The following LAMA2 variants were observed in gnomAD, a reference collection of about 807,000 sequenced individuals.
LAMA2 encodes laminin subunit alpha 2.
Under a neutral mutation model 364.8 loss-of-function variants are expected in LAMA2, and 269 were observed. The ratio of observed to expected loss-of-function variants is 0.74; its 90% CI spans 0.67 to 0.82. LAMA2 has a LOEUF of 0.82. Among genes scored for constraint, LAMA2 ranks in the 40% least tolerant of loss-of-function variants. The pLI is 0.00. For missense variants in LAMA2, 3,807 were observed against 3,873.2 expected, an observed-to-expected ratio of 0.98 and a Z score of 0.45; for synonymous variants, 1,379 against 1,370.6, an observed-to-expected ratio of 1.01 and a Z score of -0.14.
intron 40 of LAMA2, among the ~76,000 whole-genome samples, chr6:129,411,484 A>T (rs1583686767): frequency 6.6e-6 from 1 of 152,242 alleles, no homozygotes; most frequent in Non-Finnish European, 1.5e-5. Context: ...AAATAACATT[A>T]TACAGAAAGA....
intron 43 of LAMA2, among the ~76,000 whole-genome samples, chr6:129,441,352 G>A (rs1242224810): frequency 2.0e-5 from 3 of 152,140 alleles, no homozygotes; most frequent in African/African-American, 4.8e-5. Flanking sequence ...CTGGCGAAGT[G>A]TCATGGAACA....
chr6:129,107,094 T>G (rs1775874961), intron 4 of LAMA2, among the ~76,000 whole-genome samples: 1 of 151,922 alleles, frequency 6.6e-6, no homozygotes, highest in Non-Finnish European at 1.5e-5. Flanking sequence ...GTAAGGAAGC[T>G]TAGGGTTGTG....
chr6:129,025,734 G>A (rs1582893902), intron 1 of LAMA2, among the ~76,000 whole-genome samples: 1 of 152,166 alleles, frequency 6.6e-6, no homozygotes, highest in East Asian at 1.9e-4. Flanking sequence ...TCTGTGGTCT[G>A]GGTGGATGCA....
chr6:129,438,654 G>C lies in LAMA2; in HGVS notation c.5977G>C (p.Asp1993His), dbSNP rs1469983460. ...KLANDVKENE[D>H]HLNGLKTRIE... ...TTGTTTTTTATTCGCAGAAAATGAA[G>C]ACCATCTAAATGGCTTAAAAACCAG... is the stretch of plus-strand genomic sequence containing the variant. Residue 1993 changes from aspartate (D) to histidine (H), a missense_variant, in exon 42 of 65, where the codon GAC (aspartate) becomes CAC (histidine). By Grantham distance (81) the Asp-to-His change is moderately conservative. Around this residue, in one of 3 missense-constraint regions of LAMA2, gnomAD observed 3,333 missense variants for 3,345.7 expected, o/e 1.00. Coordinates refer to ENST00000421865, the MANE Select transcript of LAMA2 (RefSeq NM_000426.4). 1 of 1,561,920 alleles carries C rather than the reference G, an allele frequency of 6.4e-7. No homozygotes were observed.
intron 40 of LAMA2, among the ~76,000 whole-genome samples, chr6:129,405,572 A>G (rs2326818): frequency 0.5 from 76,205 of 151,862 alleles, 19,607 homozygotes; most frequent in African/African-American, 0.62. Context: ...AAATAATTAA[A>G]TGTCTGAAAA....
intron 12 of LAMA2, among the ~76,000 whole-genome samples, chr6:129,217,174 C>T (rs983208785): frequency 3.5e-5 from 5 of 141,140 alleles, no homozygotes; most frequent in East Asian, 2.0e-4. Context: ...GGTGACAGAG[C>T]GAGACTCCAT....
intron 18 of LAMA2, among the ~76,000 whole-genome samples, chr6:129,284,357 C>T (rs1788946691): frequency 6.6e-6 from 1 of 152,220 alleles, no homozygotes; most frequent in African/African-American, 2.4e-5. Context: ...CTTGATTGGG[C>T]CTAATCTGAG....
intron 4 of LAMA2, among the ~76,000 whole-genome samples, chr6:129,115,554 A>G (rs1009645550): frequency 6.6e-6 from 1 of 152,132 alleles, no homozygotes; most frequent in African/African-American, 2.4e-5. Flanking sequence ...TTCAATTCCT[A>G]AATTCCTTAG....
chr6:129,438,595 C>T (rs569223722), intron 41 of LAMA2, 51 bp from the exon 42 acceptor site: 1 of 902,648 alleles, frequency 1.1e-6, no homozygotes, highest in Admixed American at 1.7e-5. Context: ...CAAGTATAAG[C>T]TCAGGGATGA....
intron 1 of LAMA2, among the ~76,000 whole-genome samples, chr6:128,912,951 G>A (rs9482953): frequency 0.089 from 13,549 of 152,130 alleles, 1,031 homozygotes; most frequent in African/African-American, 0.21. Context: ...GAGCATGGGC[G>A]ACCAGAAAGG....
intron 58 of LAMA2, among the ~76,000 whole-genome samples, chr6:129,500,333 AAAC>A (rs1320570065): frequency 1.1e-4 from 16 of 152,236 alleles, no homozygotes; most frequent in Admixed American, 1.0e-3. Flanking sequence ...GATTGATAGT[AAAC>A]ATCACCTTGG....
intron 12 of LAMA2, among the ~76,000 whole-genome samples, chr6:129,249,090 G>T (rs1240910339): frequency 6.6e-6 from 1 of 152,064 alleles, no homozygotes; most frequent in Admixed American, 6.5e-5. Context: ...ATTCTCTGTG[G>T]AACACTAAGA....
chr6:129,484,106 A>G (rs1441681830), intron 55 of LAMA2, among the ~76,000 whole-genome samples: 4 of 152,234 alleles, frequency 2.6e-5, no homozygotes, highest in Non-Finnish European at 5.9e-5. Flanking sequence ...CTGCATTAAA[A>G]TTAAACTCTT....
At chr6:129,446,614 GT>G (rs1259283408) in intron 45 of LAMA2, among the ~76,000 whole-genome samples, 2 of 147,900 alleles carry the variant, frequency 1.4e-5, no homozygotes, top group Non-Finnish European at 3.0e-5. Context: ...CAGTTTTCTT[GT>G]TTGAACAAGA....
chr6:129,473,783 C>T (rs544431444), intron 52 of LAMA2, among the ~76,000 whole-genome samples: 104 of 152,018 alleles, frequency 6.8e-4, no homozygotes, highest in Middle Eastern at 3.4e-3. Context: ...ATCATAATGG[C>T]GTGTTGGAGC....
intron 21 of LAMA2, among the ~76,000 whole-genome samples, chr6:129,299,906 T>C (rs183224060): frequency 5.9e-5 from 9 of 152,310 alleles, no homozygotes; most frequent in Admixed American, 5.2e-4. Flanking sequence ...AGTCTTCCAT[T>C]TGAATTCAAG....
intron 1 of LAMA2, among the ~76,000 whole-genome samples, chr6:129,008,585 A>G (rs185582159): frequency 5.3e-5 from 8 of 152,288 alleles, no homozygotes; most frequent in South Asian, 2.1e-4. Context: ...TTAGTTCTCT[A>G]TAGGGTCTCA....
chr6:129,204,364 A>G (rs1782484038), intron 12 of LAMA2, among the ~76,000 whole-genome samples: 1 of 152,336 alleles, frequency 6.6e-6, no homozygotes, highest in Non-Finnish European at 1.5e-5. Context: ...GCCCATCAGT[A>G]ACTAATTAGA....
At chr6:129,251,066 CTCTCTCTCTCTATATATATATA>C (rs1197898773) in intron 13 of LAMA2, among the ~76,000 whole-genome samples, 1 of 68,106 alleles carries the variant, frequency 1.5e-5, no homozygotes, top group East Asian at 7.0e-4. Context: ...CTCTCTCTCT[CTCTCTCTCTCTATATATATATA>C]TATATATATA....
Sources: allele counts gnomAD v4.1 joint callset (sites outside exome capture counted in the v4.1 genomes callset), GRCh38; gene constraint gnomAD v4.1.1; regional missense constraint gnomAD v4.1.1; transcripts MANE v1.5; gene names NCBI Gene and HGNC (gene_info 2026-07-23, HGNC 2026-07-21).